UCKL1: variants seen among roughly 807,000 people sequenced by gnomAD.
UCKL1 encodes the protein uridine-cytidine kinase-like 1.
UCKL1 carries 65 observed loss-of-function variants against 59.2 expected under a neutral mutation model. The observed-to-expected ratio is 1.10, with a 90% confidence interval of 0.90 to 1.35. The LOEUF (loss-of-function observed/expected upper bound fraction) is 1.35. Among genes scored for constraint, UCKL1 ranks in the 40% most tolerant of loss-of-function variants. UCKL1 has a pLI of 0.00. For missense variants in UCKL1, 703 were observed against 784.3 expected (o/e 0.90, Z 1.24); for synonymous variants, 410 against 323.1 (o/e 1.27, Z -2.88).
At position 63,945,702 on chromosome 20, in the gene UCKL1, GT is replaced by G; in HGVS notation, c.602del (p.Asn201ThrfsTer22). The stretch of plus-strand genomic sequence containing the variant: ...CCATGATGCCCTCAAAGATGATGAC[GT>G]TTGCACCATACAGTGTTTTCTGTGA... ...KKDWKTLYGA[N>X]VIIFEGIMAF... On this transcript the variant is annotated frameshift_variant, in exon 5 of 15. Coordinates refer to ENST00000354216, the MANE Select transcript of UCKL1 (RefSeq NM_017859.4). LOFTEE classifies it high-confidence loss of function. 1 of 1,613,182 alleles carries G rather than the reference GT, an allele frequency of 6.2e-7. No individual in the cohort carries two copies. The highest frequency in any genetic ancestry group is 8.5e-7 in the Non-Finnish European group (1 of 1,179,870).
At chr20:63,948,377 G>A (rs916609670) in intron 1 of UCKL1, 9 of 151,910 alleles carry the variant, frequency 5.9e-5, no homozygotes, top group African/African-American at 2.2e-4. Flanking sequence ...ACAGGAAATG[G>A]AACGCTCCAC....
At chr20:63,950,934 C>T (rs2057495621) in intron 1 of UCKL1, 10 of 1,374,154 alleles carry the variant, frequency 7.3e-6, no homozygotes, top group Non-Finnish European at 9.4e-6. Flanking sequence ...CTCAGACCCA[C>T]AGCAGTCCCC....
Position 63,940,188 on chromosome 20 carries a change from T to C in UCKL1, c.1529A>G (p.Lys510Arg). ...RVRIITTAVD[K>R]RVNDLFRIIP... is the part of the protein sequence containing the mutation. ...GATGCGGAAAAGGTCATTGACCCGC[T>C]TGTCCACCGCCGTGGTGATGATTCT... is the stretch of plus-strand genomic sequence containing the variant. The change falls in exon 14 of 15, where the codon AAG becomes AGG. Residue 510 changes from lysine (K) to arginine (R), a missense_variant. This residue lies in a region of UCKL1 where 124 missense variants were observed against 161.1 expected (regional missense o/e 0.77). Coordinates refer to ENST00000354216, the MANE Select transcript of UCKL1 (RefSeq NM_017859.4). 6.2e-7 allele frequency: 1 copy of C among 1,612,788 alleles called. No homozygotes were observed.
chr20:63,940,521 C>T (rs1166760751), intron 12 of UCKL1, 36 bp from the exon 13 acceptor site: 2 of 1,604,330 alleles, frequency 1.2e-6, no homozygotes, highest in Admixed American at 3.4e-5. Flanking sequence ...AGGTGGGGCT[C>T]CCTGCGTCCC....
rs776305186 is a variant in UCKL1 at position 63,940,065 on chromosome 20, G to GC, written c.1568-11_1568-10insG. The GC allele has an allele frequency of 4.7e-5, 4 of 84,278 alleles. No individual in the cohort carries two copies. Among genetic ancestry groups the GC allele is most frequent in the Non-Finnish European group, 4.3e-5 (3 of 69,700 alleles). The allele number at this position is 84,278 out of a possible 1,614,324, so 5.2% of individuals were successfully genotyped here. On this transcript the variant is annotated splice_polypyrimidine_tract_variant and intron_variant, in intron 14 of 14. Transcript: ENST00000354216. ...CGGTCGCCAAAGTTCCCTGGAAAAAGGGGGGGGGGGGTCCAGTGTGGTGGG... is the reference window on the plus strand; with the variant it reads ...CGGTCGCCAAAGTTCCCTGGAAAAAGCGGGGGGGGGGGTCCAGTGTGGTGGG...
At chr20:63,956,110 A>T in intron 1 of UCKL1, 150 bp downstream of exon 1, 1 of 744,112 alleles carries the variant, frequency 1.3e-6, no homozygotes, top group Non-Finnish European at 2.0e-6. Context: ...GCGGGGTTCC[A>T]CCCGGCACGT....
chr20:63,952,618 G>A (rs1044603622), intron 1 of UCKL1, among the ~76,000 whole-genome samples: 4 of 152,188 alleles, frequency 2.6e-5, no homozygotes, highest in Admixed American at 1.3e-4. Flanking sequence ...CCATTCCCAC[G>A]CCACCCACAG....
chr20:63,941,346 C>T, intron 8 of UCKL1, 138 bp from the exon 9 acceptor site: 1 of 1,316,180 alleles, frequency 7.6e-7, no homozygotes, highest in Non-Finnish European at 1.0e-6. Flanking sequence ...GGCCTGACTT[C>T]TGCCTGGGGC....
intron 8 of UCKL1, 29 bp downstream of exon 8, chr20:63,943,624 A>C (rs1164706776): frequency 1.2e-6 from 2 of 1,612,496 alleles, no homozygotes; most frequent in African/African-American, 1.3e-5. Flanking sequence ...AAGTGCCTCC[A>C]TCTGTGCAGA....
At chr20:63,941,446 A>G (rs1328654685) in intron 8 of UCKL1, 1 of 601,652 alleles carries the variant, frequency 1.7e-6, no homozygotes, top group Admixed American at 3.1e-5. Flanking sequence ...CATCAGGCAG[A>G]AAGCTAGCGG....
chr20:63,951,196 G>A (rs769987273), intron 1 of UCKL1: 2 of 1,013,944 alleles, frequency 2.0e-6, no homozygotes, highest in Non-Finnish European at 2.4e-6. Flanking sequence ...CCAGCTGGGG[G>A]CTTGTGTATG....
At chr20:63,950,724 G>A in intron 1 of UCKL1, 2 of 1,484,030 alleles carry the variant, frequency 1.3e-6, no homozygotes, top group South Asian at 2.7e-5. Flanking sequence ...ACAAGTGGGT[G>A]CCCCTCACGG....
chr20:63,946,727 C>T (rs1037798457), intron 1 of UCKL1, 84 bp from the exon 2 acceptor site: 5 of 1,410,786 alleles, frequency 3.5e-6, no homozygotes, highest in East Asian at 4.7e-5. Flanking sequence ...ACAGGGCACC[C>T]CCCCCACCCC....
At chr20:63,947,093 C>G (rs1376375920) in intron 1 of UCKL1, among the ~76,000 whole-genome samples, 1 of 150,862 alleles carries the variant, frequency 6.6e-6, no homozygotes, top group Non-Finnish European at 1.5e-5. Context: ...AAAAAAAAAA[C>G]CCTGCCTCCT....
chr20:63,941,258 G>C, intron 8 of UCKL1, 50 bp from the exon 9 acceptor site: 2 of 1,455,364 alleles, frequency 1.4e-6, no homozygotes, highest in South Asian at 2.8e-5. Flanking sequence ...TTTTCCCAGA[G>C]CCCTCCCTCC....
chr20:63,944,698 C>T lies in UCKL1; in HGVS notation c.691G>A (p.Asp231Asn), dbSNP rs746404173. ...DMKIFVDTDS[D>N]IRLVRRLRRD... ...CGCAGCCGCCGTACCAGGCGGATGT[C>T]GGAGTCTGTGTCCACAAAGATCTTC... is the stretch of plus-strand genomic sequence containing the variant. The change falls in exon 6 of 15, where the codon GAC (aspartate) becomes AAC (asparagine). Residue 231 changes from aspartate to asparagine, a missense_variant. This residue lies in a region of UCKL1 where 398 missense variants were observed against 373.0 expected (regional missense o/e 1.07). Transcript: ENST00000354216. 9.3e-6 allele frequency: 15 copies of T among 1,612,914 alleles called. No individual in the cohort carries two copies. Among genetic ancestry groups the T allele is most frequent in the South Asian group, 7.7e-5 (7 of 91,078 alleles).
rs774159338 is a variant in UCKL1, at chr20:63,940,644, G to A, written c.1252C>T (p.Arg418Cys). 1.2e-6 allele frequency: 2 copies of A among 1,609,972 alleles called. No homozygotes were observed. The highest frequency in any genetic ancestry group is 1.7e-5 in the Admixed American group (1 of 59,904). The change falls in exon 12 of 15, where the codon CGC (arginine) becomes TGC (cysteine). Residue 418 changes from arginine to cysteine, a missense_variant. Physicochemically the swap from Arg to Cys is radical, Grantham distance 180. This residue lies in a region of UCKL1 where 25 missense variants were observed against 64.5 expected (regional missense o/e 0.39). Transcript: ENST00000354216. ...GTCTGGATGAGGATGGTGCCGATGC[G>A]CACGTCTTTGCACACAGCGCGCAGC... is the stretch of plus-strand genomic sequence containing the variant. ...PALRAVCKDV[R>C]IGTILIQTNQ...
rs374462270 is a variant in UCKL1 at position 63,946,441 on chromosome 20, C to A, written c.304+12G>T. On this transcript the variant is annotated intron_variant, in intron 2 of 14. Coordinates refer to ENST00000354216, the MANE Select transcript of UCKL1 (RefSeq NM_017859.4). Reference sequence around the variant, plus strand: ...CGTCCGGCAGCAGGTCCCACCCCCCCGCTGCTCTCACCGATGGCGAAGGCC... The same window carrying A: ...CGTCCGGCAGCAGGTCCCACCCCCCAGCTGCTCTCACCGATGGCGAAGGCC... 31 of 1,540,656 alleles carry A rather than the reference C, an allele frequency of 2.0e-5. No individual in the cohort carries two copies. The highest frequency in any genetic ancestry group is 4.6e-5 in the East Asian group (2 of 43,046).
At chr20:63,948,955 C>CGT (rs568301362) in intron 1 of UCKL1, among the ~76,000 whole-genome samples, 5 of 146,284 alleles carry the variant, frequency 3.4e-5, no homozygotes, top group African/African-American at 1.3e-4. Context: ...GGACAGTGTC[C>CGT]GTGTGCACAC....
Sources: gnomAD v4.1 joint callset for allele counts (sites outside exome capture counted in the v4.1 genomes callset) on GRCh38, gnomAD v4.1.1 for gene constraint, gnomAD v4.1.1 regional missense constraint, MANE v1.5 for transcripts, NCBI Gene and HGNC (gene_info 2026-07-23, HGNC 2026-07-21) for gene names.